Variants in KCNAB1 observed in about 807,000 individuals in gnomAD.
The protein encoded by KCNAB1 is potassium voltage-gated channel subfamily A regulatory beta subunit 1, also known as voltage-gated potassium channel subunit beta-1.
KCNAB1 carries 35 observed loss-of-function variants against 64.6 expected under a neutral mutation model. That is an observed-to-expected ratio of 0.54 (90% CI 0.41 to 0.72). KCNAB1 has a LOEUF of 0.72. KCNAB1 is among the 30% of genes least tolerant of loss of function. KCNAB1 has a pLI of 0.00. For missense variants in KCNAB1, 401 were observed against 512.9 expected (o/e 0.78, Z 2.11); for synonymous variants, 177 against 183.8 (o/e 0.96, Z 0.30).
At chr3:156,412,250 A>G (rs1282417272) in intron 1 of KCNAB1, among the ~76,000 whole-genome samples, 3 of 152,170 alleles carry the variant, frequency 2.0e-5, no homozygotes, top group Admixed American at 6.5e-5. Context: ...TGCTAAATTC[A>G]CTTATTAGTT....
chr3:156,429,204 C>T (rs1279715594), intron 2 of KCNAB1, among the ~76,000 whole-genome samples: 1 of 152,214 alleles, frequency 6.6e-6, no homozygotes, highest in Non-Finnish European at 1.5e-5. Context: ...AATACATTGT[C>T]TTATCTGGAT....
intron 4 of KCNAB1, 44 bp downstream of exon 4, chr3:156,457,576 A>G (rs905111644): frequency 2.0e-6 from 3 of 1,524,232 alleles, no homozygotes; most frequent in Non-Finnish European, 2.7e-6. Flanking sequence ...CATCTGTAGC[A>G]CCAAAAGAAT....
intron 3 of KCNAB1, chr3:156,453,328 C>T (rs78074366): frequency 0.025 from 3,921 of 155,996 alleles, 169 homozygotes; most frequent in African/African-American, 0.086. Flanking sequence ...GTATTGGAAG[C>T]CCACATTGCA....
chr3:156,169,150 C>A (rs986277559), intron 1 of KCNAB1, among the ~76,000 whole-genome samples: 5 of 152,022 alleles, frequency 3.3e-5, no homozygotes, highest in African/African-American at 4.8e-5. Context: ...AAATAAGTTC[C>A]CAAAAGCAAC....
Position 156,531,487 on chromosome 3 carries a change from G to A in KCNAB1, c.1160G>A (p.Gly387Asp). ...CCTGAACAACTCATTGAAAACCTTG[G>A]TGCCATTCAGGCAAGTACTGCAGCC... ...STPEQLIENL[G>D]AIQVLPKMTS... The change falls in exon 13 of 14, where the codon GGT (glycine) becomes GAT (aspartate). Residue 387 changes from glycine (G) to aspartate (D), a missense_variant. Gly to Asp is a moderately conservative substitution (Grantham distance 94). Coordinates refer to ENST00000490337, the MANE Select transcript of KCNAB1 (RefSeq NM_172160.3). The A allele has an allele frequency of 6.2e-7, 1 of 1,612,846 alleles. No individual in the cohort carries two copies. Among genetic ancestry groups the A allele is most frequent in the Non-Finnish European group, 8.5e-7 (1 of 1,178,830 alleles).
At chr3:156,330,983 A>C (rs1723292984) in intron 1 of KCNAB1, among the ~76,000 whole-genome samples, 1 of 152,146 alleles carries the variant, frequency 6.6e-6, no homozygotes, top group Non-Finnish European at 1.5e-5. Flanking sequence ...AGTTGTGTGC[A>C]GGGTAGGGAG....
At chr3:156,316,673 C>T (rs946580825) in intron 1 of KCNAB1, among the ~76,000 whole-genome samples, 2 of 152,236 alleles carry the variant, frequency 1.3e-5, no homozygotes, top group Non-Finnish European at 2.9e-5. Flanking sequence ...CAGCTGCCAG[C>T]AGCTGAAGAG....
chr3:156,469,295 C>T (rs1276425434), intron 7 of KCNAB1, among the ~76,000 whole-genome samples: 5 of 140,960 alleles, frequency 3.5e-5, no homozygotes, highest in East Asian at 4.1e-4. Context: ...CTTACTCTGC[C>T]ACCCAGGCTG....
intron 1 of KCNAB1, among the ~76,000 whole-genome samples, chr3:156,259,817 T>C (rs1445949318): frequency 6.6e-6 from 1 of 152,140 alleles, no homozygotes; most frequent in African/African-American, 2.4e-5. Context: ...GGAGGTCCTG[T>C]TTATGCCTTG....
At chr3:156,318,555 T>G (rs547934443) in intron 1 of KCNAB1, among the ~76,000 whole-genome samples, 3 of 151,974 alleles carry the variant, frequency 2.0e-5, no homozygotes, top group African/African-American at 4.8e-5. Flanking sequence ...GGGCATGGAG[T>G]GTTTTGTCTG....
intron 1 of KCNAB1, among the ~76,000 whole-genome samples, chr3:156,254,654 A>T (rs560847087): frequency 2.0e-5 from 3 of 152,234 alleles, no homozygotes; most frequent in African/African-American, 7.2e-5. Context: ...CTCACAGTAG[A>T]AAATGTGACC....
intron 1 of KCNAB1, among the ~76,000 whole-genome samples, chr3:156,323,591 C>G (rs1459040290): frequency 6.6e-6 from 1 of 152,090 alleles, no homozygotes; most frequent in African/African-American, 2.4e-5. Flanking sequence ...TATGTGAGAT[C>G]TGTGTCATTC....
intron 1 of KCNAB1, among the ~76,000 whole-genome samples, chr3:156,401,917 T>G (rs1713922308): frequency 1.3e-5 from 2 of 152,036 alleles, no homozygotes; most frequent in Non-Finnish European, 2.9e-5. Flanking sequence ...AAATTGTGGT[T>G]TGACTTTTTT....
intron 1 of KCNAB1, among the ~76,000 whole-genome samples, chr3:156,245,348 G>T (rs1294995975): frequency 6.6e-6 from 1 of 152,160 alleles, no homozygotes; most frequent in Non-Finnish European, 1.5e-5. Flanking sequence ...GCAGTTAAAA[G>T]AACGATAATC....
rs1403364783 is a variant in KCNAB1, at chr3:156,404,749, G to A, written c.276-16867G>A. On this transcript the variant is annotated intron_variant, in intron 1 of 13. Coordinates refer to ENST00000490337, the MANE Select transcript of KCNAB1 (RefSeq NM_172160.3). Reference sequence around the variant, plus strand: ...AGCCCTAAAGTCAGAGGTCCTTGCTGCTGATTCCAGCCTCCCACTACTATA... The same window carrying A: ...AGCCCTAAAGTCAGAGGTCCTTGCTACTGATTCCAGCCTCCCACTACTATA... Among the ~76,000 whole-genome samples, 3 of 152,200 alleles carry A rather than the reference G, an allele frequency of 2.0e-5. No homozygotes were observed. In the South Asian group the frequency reaches 6.2e-4, roughly 32 times the overall value.
At chr3:156,310,684 T>G (rs939738185) in intron 1 of KCNAB1, among the ~76,000 whole-genome samples, 6 of 152,034 alleles carry the variant, frequency 3.9e-5, no homozygotes, top group Non-Finnish European at 5.9e-5. Flanking sequence ...GGTGCCTGTA[T>G]TCCCAGCTAC....
rs35419424 is a variant in KCNAB1 at position 156,165,277 on chromosome 3, CAAAAAAAAAAAAA to C, written c.275+44407_275+44419del. Among the ~76,000 whole-genome samples the C allele has an allele frequency of 1.5e-4, 4 of 27,136 alleles. No individual in the cohort carries two copies. In the South Asian group the frequency reaches 6.0e-3, roughly 41 times the overall value. 17.8% of individuals were successfully genotyped at this position (27,136 alleles called of 152,430 possible). A position where few individuals can be genotyped will look rare whatever the true frequency, so the allele number is the denominator to read the frequency against. ...TGGGCGACAGAGCGAGACTCCGTCT[CAAAAAAAAAAAAA>C]AAAAAAAAAAAAAAAGAAAGCAAAT... On this transcript the variant is annotated intron_variant, in intron 1 of 13. Coordinates refer to ENST00000490337, the MANE Select transcript of KCNAB1 (RefSeq NM_172160.3).
At chr3:156,144,877 T>C (rs563413086) in intron 1 of KCNAB1, among the ~76,000 whole-genome samples, 1 of 152,346 alleles carries the variant, frequency 6.6e-6, no homozygotes, top group Non-Finnish European at 1.5e-5. Flanking sequence ...AGATCTGTGC[T>C]GTGTGCCAAT....
chr3:156,468,723 A>G (rs1485748640), intron 7 of KCNAB1, among the ~76,000 whole-genome samples: 1 of 152,208 alleles, frequency 6.6e-6, no homozygotes, highest in East Asian at 1.9e-4. Context: ...TCTTCATTCC[A>G]TGGATAAGGA....
Sources: gnomAD v4.1 joint callset for allele counts (sites outside exome capture counted in the v4.1 genomes callset) on GRCh38, gnomAD v4.1.1 for gene constraint, MANE v1.5 for transcripts, NCBI Gene and HGNC (gene_info 2026-07-23, HGNC 2026-07-21) for gene names.